LRRC4C: variants seen among roughly 807,000 people sequenced by gnomAD.
LRRC4C encodes leucine-rich repeat-containing protein 4C.
Under a neutral mutation model 33.6 loss-of-function variants are expected in LRRC4C, and 5 were observed. The ratio of observed to expected loss-of-function variants is 0.15; its 90% CI spans 0.08 to 0.31. LRRC4C has a LOEUF of 0.31. LRRC4C is among the 10% of genes least tolerant of loss of function. LRRC4C has a pLI of 1.00. For missense variants in LRRC4C, 560 were observed against 796.7 expected (o/e 0.70, Z 3.58); for synonymous variants, 329 against 302.0 (o/e 1.09, Z -0.93).
At chr11:41,002,109 T>C (rs1854424915) in intron 1 of LRRC4C, among the ~76,000 whole-genome samples, 1 of 152,180 alleles carries the variant, frequency 6.6e-6, no homozygotes, top group Admixed American at 6.6e-5. Flanking sequence ...CCCTTTTTTG[T>C]ATATGCTGAA....
chr11:41,125,590 C>A (rs1189445666), intron 1 of LRRC4C, among the ~76,000 whole-genome samples: 1 of 152,028 alleles, frequency 6.6e-6, no homozygotes, highest in Non-Finnish European at 1.5e-5. Context: ...TTTGCAATGT[C>A]GCTCATCAAG....
intron 1 of LRRC4C, among the ~76,000 whole-genome samples, chr11:41,167,132 GATTT>G (rs1162482705): frequency 1.3e-5 from 2 of 152,008 alleles, no homozygotes; most frequent in African/African-American, 4.8e-5. Context: ...AGATGATATA[GATTT>G]ATTTTCTGGA....
intron 4 of LRRC4C, among the ~76,000 whole-genome samples, chr11:40,249,798 T>C (rs1325714809): frequency 6.6e-6 from 1 of 152,050 alleles, no homozygotes; most frequent in African/African-American, 2.4e-5. Context: ...AAAAAAGTGA[T>C]GCTTATTTTA....
intron 1 of LRRC4C, among the ~76,000 whole-genome samples, chr11:40,934,039 C>T (rs1433006022): frequency 6.6e-6 from 1 of 152,146 alleles, no homozygotes; most frequent in African/African-American, 2.4e-5. Context: ...AAAGGCATAT[C>T]TGGTGCTGTT....
intron 1 of LRRC4C, among the ~76,000 whole-genome samples, chr11:41,325,788 T>C (rs1338224691): frequency 1.3e-5 from 2 of 152,078 alleles, no homozygotes; most frequent in Non-Finnish European, 2.9e-5. Context: ...CAATTTTTAG[T>C]ATATGCATTT....
chr11:41,369,652 G>C (rs553405228), intron 1 of LRRC4C, among the ~76,000 whole-genome samples: 1 of 152,244 alleles, frequency 6.6e-6, no homozygotes, highest in South Asian at 2.1e-4. Flanking sequence ...GAGTATTGTT[G>C]AGAACTGTTG....
At chr11:40,199,477 T>C (rs540258751) in intron 5 of LRRC4C, among the ~76,000 whole-genome samples, 1 of 152,290 alleles carries the variant, frequency 6.6e-6, no homozygotes, top group African/African-American at 2.4e-5. Flanking sequence ...TTTTTAACCC[T>C]GATTGCAATG....
At chr11:40,291,544 T>A (rs1944191217) in intron 4 of LRRC4C, among the ~76,000 whole-genome samples, 1 of 152,032 alleles carries the variant, frequency 6.6e-6, no homozygotes, top group African/African-American at 2.4e-5. Context: ...GAGAAGTAGG[T>A]CCTCCTTGTT....
intron 1 of LRRC4C, among the ~76,000 whole-genome samples, chr11:41,349,878 A>T (rs1038473299): frequency 6.6e-6 from 1 of 152,236 alleles, no homozygotes; most frequent in African/African-American, 2.4e-5. Context: ...ATTATATGTT[A>T]ACATATGATT....
At chr11:40,308,724 G>T (rs1017999247) in intron 4 of LRRC4C, among the ~76,000 whole-genome samples, 2 of 152,190 alleles carry the variant, frequency 1.3e-5, no homozygotes, top group African/African-American at 4.8e-5. Flanking sequence ...TGAATCTGTA[G>T]TTTGGGAATT....
chr11:40,149,127 T>C (rs1276250928), intron 5 of LRRC4C, among the ~76,000 whole-genome samples: 1 of 152,216 alleles, frequency 6.6e-6, no homozygotes, highest in African/African-American at 2.4e-5. Flanking sequence ...TCCAGCTTTG[T>C]TCTTTAAATG....
intron 1 of LRRC4C, among the ~76,000 whole-genome samples, chr11:41,064,249 A>G (rs976411875): frequency 6.6e-6 from 1 of 152,182 alleles, no homozygotes; most frequent in Non-Finnish European, 1.5e-5. Flanking sequence ...TCTTTCCTAT[A>G]TGAGGTTAAT....
chr11:40,870,594 C>A (rs1474012501), intron 2 of LRRC4C, among the ~76,000 whole-genome samples: 1 of 152,160 alleles, frequency 6.6e-6, no homozygotes, highest in Non-Finnish European at 1.5e-5. Flanking sequence ...TTACTGCAAT[C>A]TCTGAACATA....
At chr11:40,806,853 T>C (rs553346064) in intron 2 of LRRC4C, among the ~76,000 whole-genome samples, 1 of 152,292 alleles carries the variant, frequency 6.6e-6, no homozygotes, top group African/African-American at 2.4e-5. Context: ...TGATGTCTGC[T>C]AGGAGACAGC....
intron 2 of LRRC4C, among the ~76,000 whole-genome samples, chr11:40,765,008 C>A (rs552665506): frequency 6.6e-6 from 1 of 152,096 alleles, no homozygotes; most frequent in Non-Finnish European, 1.5e-5. Context: ...TATTAAATAT[C>A]CAACTCTTCA....
intron 1 of LRRC4C, among the ~76,000 whole-genome samples, chr11:41,279,430 C>CCCCT (rs1341502219): frequency 1.1e-5 from 1 of 92,524 alleles, no homozygotes; most frequent in Non-Finnish European, 2.5e-5. Flanking sequence ...ACACACACAC[C>CCCCT]GTGGCAATCA....
intron 3 of LRRC4C, among the ~76,000 whole-genome samples, chr11:40,576,445 G>A (rs1240860611): frequency 6.6e-6 from 1 of 152,198 alleles, no homozygotes; most frequent in Non-Finnish European, 1.5e-5. Flanking sequence ...AGGTTGTTAA[G>A]AGTGTATTCC....
intron 1 of LRRC4C, among the ~76,000 whole-genome samples, chr11:41,312,359 A>T (rs2137191423): frequency 6.6e-6 from 1 of 152,342 alleles, no homozygotes; most frequent in East Asian, 1.9e-4. Flanking sequence ...TAAGAATCAA[A>T]GGAGTTAAAC....
intron 4 of LRRC4C, among the ~76,000 whole-genome samples, chr11:40,300,347 G>A (rs767603145): frequency 5.9e-5 from 9 of 152,186 alleles, no homozygotes; most frequent in African/African-American, 9.6e-5. Flanking sequence ...CTTCATGAAC[G>A]TGGATGTAGT....
Sources: allele counts gnomAD v4.1 joint callset (sites outside exome capture counted in the v4.1 genomes callset), GRCh38; gene constraint gnomAD v4.1.1; transcripts MANE v1.5; gene names NCBI Gene and HGNC (gene_info 2026-07-23, HGNC 2026-07-21).